The following ZMYM6 variants were observed in gnomAD, a reference collection of about 807,000 sequenced individuals.
The protein encoded by ZMYM6 is zinc finger MYM-type containing 6, also known as zinc finger MYM-type protein 6.
Under a neutral mutation model 134.0 loss-of-function variants are expected in ZMYM6, and 90 were observed. The ratio of observed to expected loss-of-function variants is 0.67; its 90% CI spans 0.57 to 0.80. ZMYM6 has a LOEUF of 0.80. ZMYM6 is among the 30% of genes least tolerant of loss of function. The pLI is 0.00. For missense variants in ZMYM6, 1,362 were observed against 1,533.9 expected, an observed-to-expected ratio of 0.89 and a Z score of 1.87; for synonymous variants, 481 against 524.1, an observed-to-expected ratio of 0.92 and a Z score of 1.12.
chr1:34,993,353 C>T (rs1409828183), intron 14 of ZMYM6, among the ~76,000 whole-genome samples: 3 of 152,032 alleles, frequency 2.0e-5, no homozygotes, highest in East Asian at 1.9e-4. Context: ...CCTCGTGATC[C>T]GCCCACCTCG....
chr1:34,989,347 G>A (rs1398653061), intron 15 of ZMYM6: 4 of 647,694 alleles, frequency 6.2e-6, no homozygotes, highest in African/African-American at 2.1e-5. Flanking sequence ...AGACCAGCCC[G>A]GGCAACATGG....
chr1:34,988,479 C>A lies in ZMYM6; in HGVS notation c.2603G>T (p.Ser868Ile). Reference sequence around the variant, plus strand: ...AATAGTTTTCATTTTGTCTCCAGCACTTGAACCCAAAACTTCTGAACACAT... The same window carrying A: ...AATAGTTTTCATTTTGTCTCCAGCAATTGAACCCAAAACTTCTGAACACAT... ...VEMCSEVLGSSAGDKMKTIPL... is the reference protein window; with the variant it reads ...VEMCSEVLGSIAGDKMKTIPL... The change falls in exon 16 of 16, where the codon AGT becomes ATT. Residue 868 changes from serine to isoleucine, a missense_variant. By Grantham distance (142) the Ser-to-Ile change is moderately radical (BLOSUM62 -2). Around this residue, in one of 3 missense-constraint regions of ZMYM6, gnomAD observed 824 missense variants for 940.9 expected, o/e 0.88. Coordinates refer to ENST00000357182, the MANE Select transcript of ZMYM6 (RefSeq NM_007167.4). 6.4e-7 allele frequency: 1 copy of A among 1,551,104 alleles called. No individual in the cohort carries two copies. Among genetic ancestry groups the A allele is most frequent in the South Asian group, 1.2e-5 (1 of 83,864 alleles).
Position 35,008,743 on chromosome 1 carries a change from C to A in ZMYM6, c.1665+9G>T. 1.2e-6 allele frequency: 2 copies of A among 1,602,040 alleles called. No individual in the cohort carries two copies. The highest frequency in any genetic ancestry group is 1.7e-6 in the Non-Finnish European group (2 of 1,175,136). ...CAGAAAGCCAAAAAAAGTATATTAT[C>A]ACATTTACCTGATAAAACAGAACTG... On this transcript the variant is annotated intron_variant, in intron 11 of 15. Transcript: ENST00000357182.
At position 35,010,787 on chromosome 1, in the gene ZMYM6, C is replaced by A. The variant is rs1218418855; in HGVS notation, c.1312G>T (p.Ala438Ser). ...LKCQHCNHLF[A>S]TKPELLFYKG... ...TAAAAAAGAAGTTCTGGTTTTGTGG[C>A]AAATAGATGGTTACAGTGCTGACAC... Residue 438 changes from alanine to serine, a missense_variant, in exon 9 of 16, where the codon GCC (alanine) becomes TCC (serine). Physicochemically the swap from Ala to Ser is moderately conservative, Grantham distance 99 (BLOSUM62 1). Around this residue, in one of 3 missense-constraint regions of ZMYM6, gnomAD observed 503 missense variants for 520.8 expected, o/e 0.97. Coordinates refer to ENST00000357182, the MANE Select transcript of ZMYM6 (RefSeq NM_007167.4). The A allele has an allele frequency of 1.9e-6, 3 of 1,575,148 alleles. No homozygotes were observed. The Admixed American group carries it at 5.9e-5, about 31-fold the overall frequency.
chr1:35,028,681 T>A (rs1334648578), intron 2 of ZMYM6, among the ~76,000 whole-genome samples: 14 of 151,214 alleles, frequency 9.3e-5, no homozygotes, highest in African/African-American at 1.7e-4. Context: ...TTGTATTTTT[T>A]GTAGAGACGG....
chr1:34,999,050 A>G (rs949186457), intron 14 of ZMYM6, among the ~76,000 whole-genome samples: 8 of 152,190 alleles, frequency 5.3e-5, no homozygotes, highest in African/African-American at 1.7e-4. Context: ...CAATCCCAGA[A>G]GGTGGAGGTT....
intron 2 of ZMYM6, among the ~76,000 whole-genome samples, chr1:35,028,803 C>T (rs1224599045): frequency 6.6e-6 from 1 of 152,048 alleles, no homozygotes; most frequent in Admixed American, 6.6e-5. Flanking sequence ...CCAGCCTCCA[C>T]ATTGATTTCC....
chr1:35,016,363 A>G (rs547506396), intron 4 of ZMYM6, among the ~76,000 whole-genome samples: 1 of 152,366 alleles, frequency 6.6e-6, no homozygotes, highest in Non-Finnish European at 1.5e-5. Flanking sequence ...AAGGCTTTGT[A>G]TCAGAGGACA....
chr1:35,019,705 C>CAGAA, intron 3 of ZMYM6, 103 bp from the exon 4 acceptor site: 1 of 1,352,192 alleles, frequency 7.4e-7, no homozygotes, highest in Non-Finnish European at 9.8e-7. Flanking sequence ...GACACGGTCT[C>CAGAA]ACTGTCACCC....
Position 34,988,710 on chromosome 1 carries a change from G to A in ZMYM6, c.2372C>T (p.Thr791Ile). ...TTTGTTTTCTAATTCTGAATGTTTT[G>A]TCTTCAAATGATGAGAAAGATTTGC... ...KPANLSHHLK[T>I]KHSELENKPV... The change falls in exon 16 of 16, where the codon ACA (threonine) becomes ATA (isoleucine). Residue 791 changes from threonine (T) to isoleucine (I), a missense_variant. This residue lies in a region of ZMYM6 where 824 missense variants were observed against 940.9 expected (regional missense o/e 0.88). Coordinates refer to ENST00000357182, the MANE Select transcript of ZMYM6 (RefSeq NM_007167.4). 1.3e-6 allele frequency: 2 copies of A among 1,550,978 alleles called. No homozygotes were observed. Among genetic ancestry groups the A allele is most frequent in the Non-Finnish European group, 1.7e-6 (2 of 1,146,846 alleles).
intron 8 of ZMYM6, 131 bp downstream of exon 8, chr1:35,011,759 G>A (rs1293596237): frequency 3.6e-6 from 2 of 548,676 alleles, no homozygotes; most frequent in African/African-American, 3.9e-5. Flanking sequence ...TTGGGCCCCT[G>A]GATGAAACAA....
chr1:35,014,455 G>T (rs1427380430), intron 6 of ZMYM6, among the ~76,000 whole-genome samples: 1 of 152,114 alleles, frequency 6.6e-6, no homozygotes, highest in Non-Finnish European at 1.5e-5. Flanking sequence ...AAAAAGAAAA[G>T]AAATCACATT....
chr1:34,991,626 C>A (rs1274558411), intron 15 of ZMYM6, among the ~76,000 whole-genome samples: 1 of 152,014 alleles, frequency 6.6e-6, no homozygotes, highest in South Asian at 2.1e-4. Flanking sequence ...AAAAATTAGC[C>A]GGGCATGGTG....
At position 34,987,385 on chromosome 1, in the gene ZMYM6, C is replaced by G. The variant is rs16837147; in HGVS notation, c.3697G>C (p.Glu1233Gln). 4 of 1,613,932 alleles carry G rather than the reference C, an allele frequency of 2.5e-6. No homozygotes were observed. Among genetic ancestry groups the G allele is most frequent in the Non-Finnish European group, 2.5e-6 (3 of 1,179,974 alleles). ...TCTGAAGATAGCTCTGTTAGCTTTT[C>G]TTCTTCGAAGTCGGTGAGATTATTA... ...QNNNLTDFEE[E>Q]KLTELSSDLG... Residue 1233 changes from glutamate (E) to glutamine (Q), a missense_variant, in exon 16 of 16, where the codon GAA (glutamate) becomes CAA (glutamine). Physicochemically the swap from Glu to Gln is conservative, Grantham distance 29 (BLOSUM62 2). Around this residue, in one of 3 missense-constraint regions of ZMYM6, gnomAD observed 824 missense variants for 940.9 expected, o/e 0.88. Coordinates refer to ENST00000357182, the MANE Select transcript of ZMYM6 (RefSeq NM_007167.4).
chr1:35,003,994 T>C lies in ZMYM6; in HGVS notation c.1966A>G (p.Lys656Glu), dbSNP rs1640921457. 1.2e-6 allele frequency: 2 copies of C among 1,611,706 alleles called. No individual in the cohort carries two copies. The highest frequency in any genetic ancestry group is 1.7e-6 in the Non-Finnish European group (2 of 1,178,204). Residue 656 changes from lysine (K) to glutamate (E), a missense_variant, in exon 14 of 16, where the codon AAA (lysine) becomes GAA (glutamate). Around this residue, in one of 3 missense-constraint regions of ZMYM6, gnomAD observed 824 missense variants for 940.9 expected, o/e 0.88. Coordinates refer to ENST00000357182, the MANE Select transcript of ZMYM6 (RefSeq NM_007167.4). ...TCTTGAATGATCTTTGCTGCCTCTT[T>C]AGTAACTGCACCTGTTGTAAATTAA... ...TNSVLKGAVT[K>E]EAAKIIQDES...
At chr1:34,999,828 A>G (rs765125401) in intron 14 of ZMYM6, among the ~76,000 whole-genome samples, 5 of 152,306 alleles carry the variant, frequency 3.3e-5, no homozygotes, top group African/African-American at 4.8e-5. Flanking sequence ...ACAGCCCTAA[A>G]AATGAAAATG....
At chr1:35,002,834 C>T (rs1362784674) in intron 14 of ZMYM6, among the ~76,000 whole-genome samples, 9 of 151,940 alleles carry the variant, frequency 5.9e-5, no homozygotes, top group African/African-American at 1.7e-4. Flanking sequence ...CATTATTCTA[C>T]GATATAAAAA....
At chr1:35,010,311 A>G (rs937005061) in intron 10 of ZMYM6, 136 bp downstream of exon 10, 8 of 1,174,276 alleles carry the variant, frequency 6.8e-6, no homozygotes, top group Non-Finnish European at 9.5e-6. Flanking sequence ...GTGAGCCTCC[A>G]TGCCCGGCCT....
In ZMYM6 at chr1:35,007,125, G is replaced by A. The variant is rs573500134; in HGVS notation, c.1666-27C>T. On this transcript the variant is annotated intron_variant, in intron 11 of 15. Transcript: ENST00000357182. ...TGAAAAAGAAATGTTAGACAAGATA[G>A]GCTTAAAACTATAAAATAATGAAAA... 2.0e-5 allele frequency: 31 copies of A among 1,563,654 alleles called. No individual in the cohort carries two copies. The East Asian group carries it at 6.2e-4, about 31-fold the overall frequency.
Sources: gnomAD v4.1 joint callset for allele counts (sites outside exome capture counted in the v4.1 genomes callset) on GRCh38, gnomAD v4.1.1 for gene constraint, gnomAD v4.1.1 regional missense constraint, MANE v1.5 for transcripts, NCBI Gene and HGNC (gene_info 2026-07-23, HGNC 2026-07-21) for gene names.